LRRFIP1: variants seen among roughly 807,000 people sequenced by gnomAD.
The protein encoded by LRRFIP1 is leucine-rich repeat flightless-interacting protein 1.
LRRFIP1 carries 62 observed loss-of-function variants against 104.4 expected under a neutral mutation model. The ratio of observed to expected loss-of-function variants is 0.59; its 90% CI spans 0.48 to 0.73. The LOEUF (loss-of-function observed/expected upper bound fraction) is 0.73, where lower values mean the gene tolerates loss of function less well. Ranked by LOEUF, LRRFIP1 falls within the 30% of genes least tolerant of loss-of-function variation. LRRFIP1 has a pLI of 0.00. For synonymous variants in LRRFIP1, 300 were observed against 299.0 expected, an observed-to-expected ratio of 1.00 and a Z score of -0.03; for missense variants, 796 against 824.5, an observed-to-expected ratio of 0.97 and a Z score of 0.42.
Position 237,714,630 on chromosome 2 carries a change from A to C in LRRFIP1, c.201+354A>C, listed in dbSNP as rs76639228. ...TGTATGGAAAGAAAAAGATGATTTT[A>C]TTAGAAAACTTAAAAAATTCCATAC... On this transcript the variant is annotated intron_variant, in intron 3 of 23. Coordinates refer to ENST00000308482, the MANE Select transcript of LRRFIP1 (RefSeq NM_001137550.2). Among the ~76,000 whole-genome samples the C allele has an allele frequency of 2.8e-3, 434 of 152,380 alleles. 10 individuals carry two copies. The East Asian group carries it at 0.047, about 16-fold the overall frequency.
intron 1 of LRRFIP1, among the ~76,000 whole-genome samples, chr2:237,699,822 C>T (rs556013039): frequency 4.7e-4 from 71 of 151,248 alleles, no homozygotes; most frequent in Non-Finnish European, 8.0e-4. Context: ...TTCCAAAATG[C>T]CCTCTAAGTC....
intron 8 of LRRFIP1, among the ~76,000 whole-genome samples, chr2:237,732,942 A>G (rs566000972): frequency 9.2e-5 from 14 of 152,234 alleles, no homozygotes; most frequent in African/African-American, 2.9e-4. Context: ...CCTGTTAGCT[A>G]TAGGTATCGA....
At chr2:237,640,310 C>A (rs951300010) in intron 1 of LRRFIP1, among the ~76,000 whole-genome samples, 1 of 151,750 alleles carries the variant, frequency 6.6e-6, no homozygotes, top group Non-Finnish European at 1.5e-5. Context: ...GGCTGGGGAC[C>A]GTCTATAACA....
At chr2:237,679,733 C>T (rs2091588881) in intron 1 of LRRFIP1, among the ~76,000 whole-genome samples, 1 of 152,104 alleles carries the variant, frequency 6.6e-6, no homozygotes, top group South Asian at 2.1e-4. Context: ...CTCAGCCTCC[C>T]GAGTAGCTGG....
At chr2:237,648,150 A>G (rs28635012) in intron 1 of LRRFIP1, among the ~76,000 whole-genome samples, 33,558 of 151,632 alleles carry the variant, frequency 0.22, 4,271 homozygotes, top group Non-Finnish European at 0.27. Context: ...TCCACATTCA[A>G]TTCCATTTGA....
intron 1 of LRRFIP1, among the ~76,000 whole-genome samples, chr2:237,663,698 T>C (rs556112650): frequency 2.0e-5 from 3 of 152,334 alleles, no homozygotes; most frequent in African/African-American, 7.2e-5. Context: ...GGGAGGATGG[T>C]GTGATGTTGC....
At chr2:237,679,086 C>T (rs553468558) in intron 1 of LRRFIP1, among the ~76,000 whole-genome samples, 55 of 152,192 alleles carry the variant, frequency 3.6e-4, no homozygotes, top group Middle Eastern at 6.3e-3. Flanking sequence ...TGTACTCCAG[C>T]ATCAACAATG....
intron 1 of LRRFIP1, among the ~76,000 whole-genome samples, chr2:237,655,877 T>G (rs1433565806): frequency 1.3e-5 from 2 of 152,356 alleles, no homozygotes; most frequent in Admixed American, 6.5e-5. Flanking sequence ...ACTAGGCTGC[T>G]AATGAAAAAG....
At chr2:237,660,127 A>G (rs948215538) in intron 1 of LRRFIP1, among the ~76,000 whole-genome samples, 4 of 152,226 alleles carry the variant, frequency 2.6e-5, no homozygotes, top group African/African-American at 9.6e-5. Flanking sequence ...CACTAAAACT[A>G]ATTTTCACAA....
chr2:237,706,043 T>G (rs2093787830), intron 1 of LRRFIP1, among the ~76,000 whole-genome samples: 1 of 152,246 alleles, frequency 6.6e-6, no homozygotes, highest in Non-Finnish European at 1.5e-5. Context: ...ATTTTTTTAA[T>G]ACTTTTTGCC....
chr2:237,750,904 A>T (rs1300021422), intron 13 of LRRFIP1, among the ~76,000 whole-genome samples: 1 of 152,202 alleles, frequency 6.6e-6, no homozygotes, highest in Non-Finnish European at 1.5e-5. Context: ...ATTACTAAAT[A>T]GGAGTTGAAA....
intron 1 of LRRFIP1, among the ~76,000 whole-genome samples, chr2:237,664,522 C>T (rs1232925283): frequency 1.3e-5 from 2 of 152,250 alleles, no homozygotes; most frequent in East Asian, 3.8e-4. Flanking sequence ...GTGAAGAGAA[C>T]TTCCTGGCAA....
At position 237,772,864 on chromosome 2, in the gene LRRFIP1, AGGGGAT is replaced by A; in HGVS notation, c.1628_1633del (p.Arg543_Ala545delinsThr). ...AGATTTTCCTTCTCTTTCAACCTTT[AGGGGAT>A]GCCAACAGACAGATCAGCGACCTCA... On this transcript the variant is annotated splice_acceptor_variant and coding_sequence_variant, in exon 22 of 24. Transcript: ENST00000308482. LOFTEE classifies it high-confidence loss of function. 1 of 1,610,398 alleles carries A rather than the reference AGGGGAT, an allele frequency of 6.2e-7. No individual in the cohort carries two copies. Among genetic ancestry groups the A allele is most frequent in the Non-Finnish European group, 8.5e-7 (1 of 1,176,666 alleles).
chr2:237,758,382 C>T (rs1368211779), intron 17 of LRRFIP1, among the ~76,000 whole-genome samples: 1 of 152,164 alleles, frequency 6.6e-6, no homozygotes, highest in East Asian at 1.9e-4. Context: ...TTTACTGACC[C>T]CTCATTCAAG....
intron 7 of LRRFIP1, 56 bp downstream of exon 7, chr2:237,723,642 A>T: frequency 6.3e-7 from 1 of 1,597,814 alleles, no homozygotes; most frequent in Non-Finnish European, 8.6e-7. Flanking sequence ...TGTGACCATA[A>T]TAACCTGTGG....
intron 15 of LRRFIP1, among the ~76,000 whole-genome samples, chr2:237,755,403 C>T (rs533600825): frequency 2.1e-4 from 32 of 152,306 alleles, no homozygotes; most frequent in African/African-American, 6.7e-4. Context: ...TTTTCCTTGT[C>T]ATATTTCAGC....
intron 2 of LRRFIP1, 118 bp downstream of exon 2, chr2:237,708,748 CAG>C: frequency 1.7e-6 from 2 of 1,173,950 alleles, no homozygotes. Flanking sequence ...TGCTCACGGT[CAG>C]AGTGCGTTTG....
Position 237,779,614 on chromosome 2 carries a change from GCTT to G in LRRFIP1, c.*87_*89del, listed in dbSNP as rs1380855335. ...TTTCTCTGTCCTATCTGGGAGCGCT[GCTT>G]CTTCCCCTGCCTTCCGAGAGACGAA... On this transcript the variant is annotated 3_prime_UTR_variant, in exon 24 of 24. Transcript: ENST00000308482. 8.1e-7 allele frequency: 1 copy of G among 1,232,922 alleles called. No individual in the cohort carries two copies. The highest frequency in any genetic ancestry group is 1.2e-6 in the Non-Finnish European group (1 of 857,250). The allele number at this position is 1,232,922 out of a possible 1,614,324, so 76.4% of individuals were successfully genotyped here.
intron 21 of LRRFIP1, 42 bp from the exon 22 acceptor site, chr2:237,772,824 G>C: frequency 7.7e-7 from 1 of 1,305,664 alleles, no homozygotes; most frequent in East Asian, 2.3e-5. Context: ...TATTTGAAAA[G>C]CCCAAGAGCT....
Sources: gnomAD v4.1 joint callset for allele counts (sites outside exome capture counted in the v4.1 genomes callset) on GRCh38, gnomAD v4.1.1 for gene constraint, MANE v1.5 for transcripts, NCBI Gene and HGNC (gene_info 2026-07-23, HGNC 2026-07-21) for gene names.